The following MS4A18 variants were observed in gnomAD, a reference collection of about 807,000 sequenced individuals.
MS4A18 encodes the protein membrane-spanning 4-domains subfamily A member 18.
A neutral mutation model predicts 13.1 loss-of-function variants in MS4A18; 27 were observed. The observed-to-expected ratio is 2.06, with a 90% CI of 1.52 to 2.84. The LOEUF is 2.84. MS4A18 is among the 30% of genes most tolerant of loss of function. The probability of loss-of-function intolerance (pLI) is 0.00; values close to 1 mark genes in which losing one functional copy is unlikely to be tolerated. For synonymous variants in MS4A18, 126 were observed against 76.5 expected (o/e 1.65, Z -3.38); for missense variants, 307 against 196.4 (o/e 1.56, Z -3.37).
intron 3 of MS4A18, 41 bp from the exon 5 acceptor site, chr11:60,738,861 T>C (rs1326064090): frequency 2.9e-6 from 2 of 701,432 alleles, no homozygotes; most frequent in Admixed American, 4.0e-5. Flanking sequence ...TTCAGACTCT[T>C]CAGACTCGGC....
intron 3 of MS4A18, among the ~76,000 whole-genome samples, chr11:60,738,047 G>C (rs1480928401): frequency 6.6e-6 from 1 of 152,198 alleles, no homozygotes; most frequent in Non-Finnish European, 1.5e-5. Context: ...GGGTCTCCTA[G>C]TCCTCTCTTG....
chr11:60,739,978 G>C (rs1853393795), intron 4 of MS4A18, among the ~76,000 whole-genome samples: 1 of 152,208 alleles, frequency 6.6e-6, no homozygotes, highest in Non-Finnish European at 1.5e-5. Flanking sequence ...CCTAAGGGGA[G>C]AGCTCCCTGA....
intron 2 of MS4A18, among the ~76,000 whole-genome samples, chr11:60,734,443 T>A (rs1271266449): frequency 6.6e-6 from 1 of 152,100 alleles, no homozygotes; most frequent in Non-Finnish European, 1.5e-5. Flanking sequence ...GACATGGAAA[T>A]CAACACGTGC....
At chr11:60,734,299 T>A (rs796171522) in intron 2 of MS4A18, among the ~76,000 whole-genome samples, 1 of 152,008 alleles carries the variant, frequency 6.6e-6, no homozygotes, top group South Asian at 2.1e-4. Flanking sequence ...TCAGAGTACG[T>A]AAAGTTGTGT....
At position 60,733,960 on chromosome 11, in the gene MS4A18, A is replaced by G. The variant is rs180727962; in HGVS notation, c.591+313A>G. On this transcript the variant is annotated intron_variant, in intron 2 of 5. Transcript: ENST00000529108. ...CTCTTTTATGAGATATTTATCTGATAAGGCCAGGCAGGGTGGCTCACGCAG... is the reference window on the plus strand; with the variant it reads ...CTCTTTTATGAGATATTTATCTGATGAGGCCAGGCAGGGTGGCTCACGCAG... 4.3e-4 allele frequency among the ~76,000 whole-genome samples: 66 copies of G among 152,090 alleles called. No individual in the cohort carries two copies. The East Asian group carries it at 0.01, about 23-fold the overall frequency.
chr11:60,729,152 T>C (rs1341545923), upstream of MS4A18, among the ~76,000 whole-genome samples: 2 of 152,222 alleles, frequency 1.3e-5, no homozygotes, highest in African/African-American at 4.8e-5. Context: ...AAACAGTGTG[T>C]TCTTGCCAAG....
chr11:60,736,490 G>T (rs1281556095), intron 2 of MS4A18, among the ~76,000 whole-genome samples: 5 of 152,072 alleles, frequency 3.3e-5, no homozygotes, highest in African/African-American at 1.2e-4. Context: ...GGACCCTCTA[G>T]CTGGGTCCAG....
At chr11:60,740,449 G>A (rs376604255) in intron 4 of MS4A18, among the ~76,000 whole-genome samples, 2 of 152,196 alleles carry the variant, frequency 1.3e-5, no homozygotes, top group East Asian at 3.9e-4. Flanking sequence ...GGCAGTATGA[G>A]GCAGGGATAC....
At chr11:60,734,551 T>C (rs1322982423) in intron 2 of MS4A18, among the ~76,000 whole-genome samples, 1 of 152,152 alleles carries the variant, frequency 6.6e-6, no homozygotes, top group Non-Finnish European at 1.5e-5. Flanking sequence ...TTGCAGAGCT[T>C]AAATAATATT....
At chr11:60,726,020 G>C (rs533825587), upstream of MS4A18, among the ~76,000 whole-genome samples, 4 of 152,310 alleles carry the variant, frequency 2.6e-5, no homozygotes, top group South Asian at 2.1e-4. Flanking sequence ...TCATGCAGCT[G>C]AATGTTCCAC....
chr11:60,729,414 T>C, exon 1 of MS4A18: 1 of 702,760 alleles, frequency 1.4e-6, no homozygotes, highest in Non-Finnish European at 2.6e-6. Flanking sequence ...CCTCTGGAAA[T>C]CATCTGCAGC....
upstream of MS4A18, among the ~76,000 whole-genome samples, chr11:60,726,562 T>C (rs1441595914): frequency 2.0e-5 from 3 of 152,172 alleles, no homozygotes; most frequent in African/African-American, 4.8e-5. Flanking sequence ...ACCAAGAATT[T>C]GACTTTCCGA....
At chr11:60,744,126 C>T in exon 6 of MS4A18, 2 of 603,638 alleles carry the variant, frequency 3.3e-6, no homozygotes, top group Non-Finnish European at 5.9e-6. Context: ...CTGAAATGAA[C>T]AAGCATTTCC....
intron 2 of MS4A18, among the ~76,000 whole-genome samples, chr11:60,735,566 T>C (rs1301889708): frequency 2.0e-5 from 3 of 147,560 alleles, no homozygotes; most frequent in Non-Finnish European, 4.5e-5. Context: ...CTCGATCTCC[T>C]GACCTTGTGA....
upstream of MS4A18, among the ~76,000 whole-genome samples, chr11:60,726,768 T>TTTTATTTTA (rs1565057866): frequency 6.6e-6 from 1 of 150,950 alleles, no homozygotes; most frequent in African/African-American, 2.4e-5. Flanking sequence ...TTTTATTTTA[T>TTTTATTTTA]TTTATTTTTA....
At chr11:60,728,056 A>T (rs868315446), upstream of MS4A18, among the ~76,000 whole-genome samples, 2 of 152,186 alleles carry the variant, frequency 1.3e-5, no homozygotes, top group South Asian at 4.1e-4. Flanking sequence ...TTTAAACACA[A>T]GGAAAATGCA....
intron 1 of MS4A18, among the ~76,000 whole-genome samples, chr11:60,732,572 CA>C (rs886377515): frequency 9.3e-5 from 14 of 149,906 alleles, no homozygotes; most frequent in Admixed American, 8.6e-4. Flanking sequence ...ACTAAAAATA[CA>C]AAAAAAAATT....
exon 1 of MS4A18, chr11:60,729,571 G>C (rs1045457818): frequency 4.3e-6 from 3 of 702,690 alleles, no homozygotes; most frequent in African/African-American, 3.5e-5. Flanking sequence ...ACAGTATCCA[G>C]TGGGAACAGC....
At chr11:60,743,957 C>T (rs1369045871) in exon 6 of MS4A18, 3 of 702,950 alleles carry the variant, frequency 4.3e-6, no homozygotes, top group African/African-American at 3.5e-5. Context: ...GCTATCCACA[C>T]CAGCAATGTA....
Sources: allele counts gnomAD v4.1 joint callset (sites outside exome capture counted in the v4.1 genomes callset), GRCh38; gene constraint gnomAD v4.1.1; transcripts MANE v1.5; gene names NCBI Gene and HGNC (gene_info 2026-07-23, HGNC 2026-07-21).